The following QRSL1 variants were observed in gnomAD, a reference collection of about 807,000 sequenced individuals.
The protein encoded by QRSL1 is glutaminyl-tRNA amidotransferase subunit QRSL1.
QRSL1 carries 54 observed loss-of-function variants against 61.6 expected under a neutral mutation model. The ratio of observed to expected loss-of-function variants is 0.88; its 90% CI spans 0.70 to 1.10. QRSL1 has a LOEUF of 1.10. Among genes scored for constraint, QRSL1 ranks in the 50% least tolerant of loss-of-function variants. The pLI is 0.00. For missense variants in QRSL1, 505 were observed against 622.6 expected, an observed-to-expected ratio of 0.81 and a Z score of 2.01; for synonymous variants, 228 against 225.7, an observed-to-expected ratio of 1.01 and a Z score of -0.09.
chr6:106,665,096 T>C lies in QRSL1; in HGVS notation c.1367-686T>C, dbSNP rs560652472. On this transcript the variant is annotated intron_variant, in intron 10 of 10. Coordinates refer to ENST00000369046, the MANE Select transcript of QRSL1 (RefSeq NM_018292.5). Reference sequence around the variant, plus strand: ...GTCAAATTGCCTTAAATTTGGCCAATAAGAGCCCCTTCAAGTTATATGTAT... The same window carrying C: ...GTCAAATTGCCTTAAATTTGGCCAACAAGAGCCCCTTCAAGTTATATGTAT... Among the ~76,000 whole-genome samples, 474 of 152,318 alleles carry C rather than the reference T, an allele frequency of 3.1e-3. 6 individuals are homozygous for C. Among genetic ancestry groups the C allele is most frequent in the African/African-American group, 0.011 (455 of 41,572 alleles).
chr6:106,639,119 G>GTTTTTTTTTTTTTTT (rs1177849683), intron 1 of QRSL1, among the ~76,000 whole-genome samples: 5 of 122,796 alleles, frequency 4.1e-5, no homozygotes, highest in East Asian at 2.6e-4. Context: ...GTGTTTTGTT[G>GTTTTTTTTTTTTTTT]TTTTTTTTTT....
chr6:106,654,774 G>A lies in QRSL1; in HGVS notation c.894G>A (p.Trp298Ter). The A allele has an allele frequency of 6.2e-7, 1 of 1,612,936 alleles. No individual in the cohort carries two copies. Among genetic ancestry groups the A allele is most frequent in the Non-Finnish European group, 8.5e-7 (1 of 1,179,734 alleles). Reference protein sequence around the residue: ...PELSSEVQSLWSKAADLFESE... With the variant: ...PELSSEVQSL The stretch of plus-strand genomic sequence containing the variant: ...TATCAAGTGAAGTACAGTCTCTTTG[G>A]TCCAAAGCTGCTGACCTCTTTGAGT... Residue 298 changes from tryptophan to a stop codon, truncating the protein, a stop_gained, in exon 8 of 11, where the codon TGG becomes TGA. Coordinates refer to ENST00000369046, the MANE Select transcript of QRSL1 (RefSeq NM_018292.5). LOFTEE classifies it high-confidence loss of function.
intron 4 of QRSL1, among the ~76,000 whole-genome samples, chr6:106,644,937 A>G (rs967450588): frequency 2.6e-5 from 4 of 152,226 alleles, no homozygotes; most frequent in Non-Finnish European, 4.4e-5. Flanking sequence ...TAGTATGAAT[A>G]AAGTCCATTT....
chr6:106,655,489 T>G (rs929934027), intron 8 of QRSL1, 126 bp from the exon 9 acceptor site: 8 of 587,242 alleles, frequency 1.4e-5, no homozygotes, highest in African/African-American at 2.2e-5. Context: ...CACTCCAGCC[T>G]AGGTGACAGA....
intron 4 of QRSL1, among the ~76,000 whole-genome samples, chr6:106,647,052 A>G (rs1777118098): frequency 7.4e-6 from 1 of 135,194 alleles, no homozygotes; most frequent in Non-Finnish European, 1.6e-5. Flanking sequence ...AAAAAAAAAA[A>G]AAATTAATAG....
chr6:106,660,173 G>A (rs915944397), intron 9 of QRSL1, among the ~76,000 whole-genome samples: 1 of 151,812 alleles, frequency 6.6e-6, no homozygotes, highest in African/African-American at 2.4e-5. Flanking sequence ...TTAAGCTGGG[G>A]AAATCAAAGG....
rs189655810 is a variant in QRSL1, at chr6:106,635,568, C to T, written c.25-4781C>T. Among the ~76,000 whole-genome samples the T allele has an allele frequency of 3.4e-3, 513 of 152,270 alleles. 5 individuals are homozygous for T. The highest frequency in any genetic ancestry group is 0.012 in the African/African-American group (481 of 41,544). On this transcript the variant is annotated intron_variant, in intron 1 of 10. Coordinates refer to ENST00000369046, the MANE Select transcript of QRSL1 (RefSeq NM_018292.5). ...TACCTTCAGCACTTACCAAGGCAAA[C>T]TTTTTTTAAAGACCATTCTTTTCTG... is the stretch of plus-strand genomic sequence containing the variant.
chr6:106,656,303 T>C (rs1777270434), intron 9 of QRSL1, among the ~76,000 whole-genome samples: 2 of 152,240 alleles, frequency 1.3e-5, no homozygotes, highest in Non-Finnish European at 2.9e-5. Flanking sequence ...TAAATGTCCT[T>C]TGGGTATTAC....
intron 9 of QRSL1, among the ~76,000 whole-genome samples, chr6:106,659,591 T>G (rs1411988019): frequency 6.6e-6 from 1 of 152,240 alleles, no homozygotes; most frequent in Non-Finnish European, 1.5e-5. Flanking sequence ...TATTTTTTGC[T>G]GCTTTTCATG....
chr6:106,659,742 A>G (rs75222845), intron 9 of QRSL1, among the ~76,000 whole-genome samples: 4,942 of 152,304 alleles, frequency 0.032, 273 homozygotes, highest in East Asian at 0.19. Context: ...AAGCTTTGTT[A>G]AGATAAATCC....
In QRSL1 at chr6:106,651,233, A is replaced by T. The variant is rs757373245; in HGVS notation, c.558-976A>T. ...CTCCAGGTCCGTTTTTTGTTTTTTT[A>T]AAATAAGAACAACACAAACTCTGTA... On this transcript the variant is annotated intron_variant, in intron 5 of 10. Coordinates refer to ENST00000369046, the MANE Select transcript of QRSL1 (RefSeq NM_018292.5). 1.3e-3 allele frequency among the ~76,000 whole-genome samples: 197 copies of T among 151,998 alleles called. 1 individual carries two copies. Among genetic ancestry groups the T allele is most frequent in the Non-Finnish European group, 1.9e-3 (130 of 67,928 alleles).
intron 1 of QRSL1, among the ~76,000 whole-genome samples, chr6:106,632,886 C>G (rs1239856681): frequency 6.6e-6 from 1 of 152,096 alleles, no homozygotes; most frequent in Non-Finnish European, 1.5e-5. Context: ...TGTGATAGTT[C>G]TTCTTATCAG....
chr6:106,649,159 C>T lies in QRSL1; in HGVS notation c.515C>T (p.Ser172Leu). ...DSDWLITGGSSGGSAAAVSAF... is the reference protein window; with the variant it reads ...DSDWLITGGSLGGSAAAVSAF... Reference sequence around the variant, plus strand: ...GACTGGCTGATAACTGGAGGAAGCTCAGGTGGGAGTGCAGCTGCTGTATCG... The same window carrying T: ...GACTGGCTGATAACTGGAGGAAGCTTAGGTGGGAGTGCAGCTGCTGTATCG... The change falls in exon 5 of 11, where the codon TCA becomes TTA. Residue 172 changes from serine to leucine, a missense_variant. By Grantham distance (145) the Ser-to-Leu change is moderately radical. Transcript: ENST00000369046. 6.2e-7 allele frequency: 1 copy of T among 1,614,176 alleles called. No homozygotes were observed. The highest frequency in any genetic ancestry group is 8.5e-7 in the Non-Finnish European group (1 of 1,180,022).
intron 5 of QRSL1, among the ~76,000 whole-genome samples, chr6:106,651,843 A>C (rs944357874): frequency 1.3e-5 from 2 of 152,214 alleles, no homozygotes; most frequent in African/African-American, 4.8e-5. Context: ...ACCAGGAATC[A>C]CGAATTTATA....
In QRSL1 at chr6:106,664,752, G is replaced by T. The variant is rs1359767988; in HGVS notation, c.1367-1030G>T. Among the ~76,000 whole-genome samples the T allele has an allele frequency of 2.6e-5, 4 of 152,154 alleles. No individual in the cohort carries two copies. In the East Asian group the frequency reaches 5.8e-4, roughly 22 times the overall value. ...TTGTCTCACTTTTGGAAACCAAGTT[G>T]ATCACTTCGCTAAGGAAGTAACTGC... On this transcript the variant is annotated intron_variant, in intron 10 of 10. Transcript: ENST00000369046.
chr6:106,659,433 C>G (rs751500047), intron 9 of QRSL1, among the ~76,000 whole-genome samples: 1 of 151,458 alleles, frequency 6.6e-6, no homozygotes, highest in African/African-American at 2.4e-5. Context: ...CCACTGCACC[C>G]CAGCCTGGGT....
chr6:106,637,329 T>C (rs1475313685), intron 1 of QRSL1, among the ~76,000 whole-genome samples: 4 of 152,154 alleles, frequency 2.6e-5, no homozygotes, highest in Non-Finnish European at 5.9e-5. Flanking sequence ...GAAAAGCTTG[T>C]GCAAAGTGAG....
intron 10 of QRSL1, among the ~76,000 whole-genome samples, chr6:106,664,167 T>C (rs971379789): frequency 6.6e-6 from 1 of 152,224 alleles, no homozygotes; most frequent in Non-Finnish European, 1.5e-5. Context: ...AAAGTGTCTT[T>C]TATAAGTTGT....
Position 106,663,058 on chromosome 6 carries a change from T to A in QRSL1, c.1239T>A (p.Ser413=). 6.2e-7 allele frequency: 1 copy of A among 1,612,704 alleles called. No individual in the cohort carries two copies. The highest frequency in any genetic ancestry group is 8.5e-7 in the Non-Finnish European group (1 of 1,178,644). Residue 413 remains serine, a synonymous_variant, in exon 10 of 11, where the codon TCT becomes TCA. Transcript: ENST00000369046. ...IANDFVNAFN[S]GVDVLLTPTT... is the part of the protein sequence containing the mutation. ...ATGACTTTGTAAATGCTTTTAACTC[T>A]GGAGTAGATGTCTTGCTAACTCCCA... is the stretch of plus-strand genomic sequence containing the variant.
Sources: gnomAD v4.1 joint callset for allele counts (sites outside exome capture counted in the v4.1 genomes callset) on GRCh38, gnomAD v4.1.1 for gene constraint, MANE v1.5 for transcripts, NCBI Gene and HGNC (gene_info 2026-07-23, HGNC 2026-07-21) for gene names.